PRKCE: variants seen among roughly 807,000 people sequenced by gnomAD.
PRKCE encodes the protein protein kinase C epsilon type.
In PRKCE, 16 loss-of-function variants were observed where a neutral mutation model predicts 85.4. The ratio of observed to expected loss-of-function variants is 0.19; its 90% CI spans 0.13 to 0.28. PRKCE has a LOEUF of 0.28. Ranked by LOEUF, PRKCE falls within the 10% of genes least tolerant of loss-of-function variation. The probability of loss-of-function intolerance (pLI) is 1.00; values close to 1 mark genes in which losing one functional copy is unlikely to be tolerated. For synonymous variants in PRKCE, 388 were observed against 371.5 expected (o/e 1.04, Z -0.51); for missense variants, 573 against 975.2 (o/e 0.59, Z 5.49).
intron 1 of PRKCE, among the ~76,000 whole-genome samples, chr2:45,818,881 C>T (rs569013685): frequency 4.6e-5 from 7 of 152,238 alleles, no homozygotes; most frequent in Non-Finnish European, 7.4e-5. Context: ...TTGCAAGAAT[C>T]CAGGGTGTTT....
intron 1 of PRKCE, among the ~76,000 whole-genome samples, chr2:45,788,861 A>G (rs1341618266): frequency 6.6e-6 from 1 of 152,210 alleles, no homozygotes; most frequent in African/African-American, 2.4e-5. Flanking sequence ...ATGTTTAAGG[A>G]TAGGTCAATC....
At position 45,964,567 on chromosome 2, in the gene PRKCE, T is replaced by C. The variant is rs117083683; in HGVS notation, c.413-11862T>C. On this transcript the variant is annotated intron_variant, in intron 2 of 14. Transcript: ENST00000306156. The stretch of plus-strand genomic sequence containing the variant: ...TTTACTGGGTACCAGAAGCATGCAG[T>C]AAAGTTCCACCATGACTGTAATATG... Among the ~76,000 whole-genome samples, 28 of 152,274 alleles carry C rather than the reference T, an allele frequency of 1.8e-4. 3 individuals are homozygous for C. In the East Asian group the frequency reaches 4.6e-3, roughly 25 times the overall value.
rs1558942671 is a variant in PRKCE at position 46,001,374 on chromosome 2, T to A, written c.824-30T>A. 6.3e-7 allele frequency: 1 copy of A among 1,587,120 alleles called. No individual in the cohort carries two copies. Among genetic ancestry groups the A allele is most frequent in the Admixed American group, 1.7e-5 (1 of 59,166 alleles). ...AGCAACATCTTAGGCCATGAACACT[T>A]ATCTGTCTTTTCTCCATGTCTCCTT... On this transcript the variant is annotated intron_variant, in intron 6 of 14. Coordinates refer to ENST00000306156, the MANE Select transcript of PRKCE (RefSeq NM_005400.3). This position sits in a 1 kb window ranked among gnomAD's most constrained non-coding sequence, Gnocchi z 4.4.
At chr2:46,129,438 A>G (rs1397852200) in intron 11 of PRKCE, among the ~76,000 whole-genome samples, 1 of 152,144 alleles carries the variant, frequency 6.6e-6, no homozygotes, top group Non-Finnish European at 1.5e-5. Context: ...TTTTTTTTAT[A>G]TGTGTTGATT....
chr2:45,762,407 C>G (rs530018282), intron 1 of PRKCE, among the ~76,000 whole-genome samples: 1 of 152,198 alleles, frequency 6.6e-6, no homozygotes, highest in Non-Finnish European at 1.5e-5. Flanking sequence ...CCCTGCTGAA[C>G]TTTGTCACTT....
chr2:46,110,023 G>A (rs1018397507), intron 11 of PRKCE, among the ~76,000 whole-genome samples: 22 of 152,208 alleles, frequency 1.4e-4, no homozygotes, highest in African/African-American at 5.1e-4. Context: ...TGTTGAACCA[G>A]CCTTGCATAC....
At chr2:46,110,276 C>T (rs919302871) in intron 11 of PRKCE, among the ~76,000 whole-genome samples, 1 of 152,056 alleles carries the variant, frequency 6.6e-6, no homozygotes, top group Non-Finnish European at 1.5e-5. Context: ...GTCATTTCTC[C>T]CTTAAGTGTT....
chr2:46,090,619 G>T (rs941991913), intron 11 of PRKCE, among the ~76,000 whole-genome samples: 2 of 152,140 alleles, frequency 1.3e-5, no homozygotes, highest in East Asian at 3.8e-4. Context: ...TTTGTTTGAA[G>T]CATTTCTAGT....
chr2:45,767,697 G>A (rs1685020331), intron 1 of PRKCE, among the ~76,000 whole-genome samples: 1 of 152,212 alleles, frequency 6.6e-6, no homozygotes, highest in Non-Finnish European at 1.5e-5. Context: ...TGTCAGCAGT[G>A]CTTCTGTGGA....
intron 2 of PRKCE, among the ~76,000 whole-genome samples, chr2:45,850,901 G>A (rs182499644): frequency 6.6e-6 from 1 of 152,248 alleles, no homozygotes; most frequent in Non-Finnish European, 1.5e-5. Context: ...TATATACGAG[G>A]CCCTGGGGAT....
At chr2:45,749,415 C>T (rs1472959065) in intron 1 of PRKCE, among the ~76,000 whole-genome samples, 1 of 152,216 alleles carries the variant, frequency 6.6e-6, no homozygotes, top group Non-Finnish European at 1.5e-5. Flanking sequence ...GAAAGAGCAT[C>T]ATTGGCATGT....
intron 2 of PRKCE, among the ~76,000 whole-genome samples, chr2:45,857,904 G>A (rs150063744): frequency 4.6e-5 from 7 of 152,348 alleles, no homozygotes; most frequent in African/African-American, 1.4e-4. Context: ...AGGAATGGCC[G>A]TTGTAAATGG....
chr2:45,658,902 T>A (rs1412789619), intron 1 of PRKCE, among the ~76,000 whole-genome samples: 1 of 152,228 alleles, frequency 6.6e-6, no homozygotes. Context: ...AATGAGATTG[T>A]TCTGGAAAGT....
intron 1 of PRKCE, 51 bp from the exon 2 acceptor site, chr2:45,842,949 G>A (rs772682344): frequency 6.5e-7 from 1 of 1,538,704 alleles, no homozygotes; most frequent in African/African-American, 1.4e-5. Context: ...GGAACTCTTA[G>A]GTTGCCCACA....
rs368975687 is a variant in PRKCE, at chr2:45,913,935, A to G, written c.413-62494A>G. Reference sequence around the variant, plus strand: ...TTCCTCAAGTCTTAGAAAAACAAGAATTTGTACCCTCCTTTCTTTTTATCC... The same window carrying G: ...TTCCTCAAGTCTTAGAAAAACAAGAGTTTGTACCCTCCTTTCTTTTTATCC... On this transcript the variant is annotated intron_variant, in intron 2 of 14. Transcript: ENST00000306156. Among the ~76,000 whole-genome samples, 9 of 152,134 alleles carry G rather than the reference A, an allele frequency of 5.9e-5. No homozygotes were observed. In the South Asian group the frequency reaches 1.9e-3, roughly 31 times the overall value.
At chr2:45,842,909 G>A (rs1691474613) in intron 1 of PRKCE, 91 bp from the exon 2 acceptor site, 4 of 1,198,046 alleles carry the variant, frequency 3.3e-6, no homozygotes, top group Non-Finnish European at 5.0e-6. Flanking sequence ...TGTGTCTCTA[G>A]GTTTTAGCAG....
chr2:45,654,216 G>C (rs1675276951), intron 1 of PRKCE, among the ~76,000 whole-genome samples: 1 of 152,238 alleles, frequency 6.6e-6, no homozygotes, highest in Admixed American at 6.5e-5. Context: ...AACAGATGTT[G>C]GTTGGAGGGA....
rs1704437991 is a variant in PRKCE, at chr2:45,998,883, T to G, written c.824-2521T>G. Among the ~76,000 whole-genome samples, 7 of 152,222 alleles carry G rather than the reference T, an allele frequency of 4.6e-5. No homozygotes were observed. In the South Asian group the frequency reaches 1.4e-3, roughly 31 times the overall value. On this transcript the variant is annotated intron_variant, in intron 6 of 14. Transcript: ENST00000306156. ...AGTGCTTGCTGTGGAGTTTGCAGTA[T>G]GCATTTACAACAAATCCAAATCTAC...
At chr2:46,111,386 T>G (rs1672240466) in intron 11 of PRKCE, among the ~76,000 whole-genome samples, 1 of 152,172 alleles carries the variant, frequency 6.6e-6, no homozygotes, top group African/African-American at 2.4e-5. Context: ...TACAAATCAA[T>G]GGTTTTTAGT....
Sources: gnomAD v4.1 joint callset for allele counts (sites outside exome capture counted in the v4.1 genomes callset) on GRCh38, gnomAD v4.1.1 for gene constraint, Gnocchi (gnomAD v3.1) non-coding constraint, MANE v1.5 for transcripts, NCBI Gene and HGNC (gene_info 2026-07-23, HGNC 2026-07-21) for gene names.